Variants in CTNNA2 observed in about 807,000 individuals in gnomAD.
The protein encoded by CTNNA2 is catenin alpha-2.
In CTNNA2, 42 loss-of-function variants were observed where a neutral mutation model predicts 101.0. The observed-to-expected ratio is 0.42, with a 90% confidence interval of 0.32 to 0.54. The LOEUF (loss-of-function observed/expected upper bound fraction) is 0.54, where lower values mean the gene tolerates loss of function less well. CTNNA2 is among the 20% of genes least tolerant of loss of function. CTNNA2 has a pLI of 0.14. For synonymous variants in CTNNA2, 450 were observed against 456.4 expected (o/e 0.99, Z 0.18); for missense variants, 871 against 1,223.1 (o/e 0.71, Z 4.29).
At chr2:80,052,196 C>T (rs1696918980) in intron 7 of CTNNA2, among the ~76,000 whole-genome samples, 2 of 152,180 alleles carry the variant, frequency 1.3e-5, no homozygotes, top group South Asian at 4.1e-4. Context: ...GAGTTGTGGA[C>T]ATTTATCCCA....
intron 7 of CTNNA2, among the ~76,000 whole-genome samples, chr2:80,061,492 T>C (rs1697597222): frequency 6.6e-6 from 1 of 152,178 alleles, no homozygotes; most frequent in Non-Finnish European, 1.5e-5. Context: ...AAGGGCATAA[T>C]ATTACTAAAC....
chr2:80,476,725 A>G (rs1252007589), intron 9 of CTNNA2, among the ~76,000 whole-genome samples: 1 of 152,098 alleles, frequency 6.6e-6, no homozygotes, highest in Admixed American at 6.6e-5. Context: ...CTGGCCTCAG[A>G]CATAAGGAGC....
chr2:80,302,479 G>A lies in CTNNA2; in HGVS notation c.1057-90732G>A, dbSNP rs368600677. On this transcript the variant is annotated intron_variant, in intron 7 of 18. Transcript: ENST00000402739. This position sits in a 1 kb window ranked among gnomAD's most constrained non-coding sequence, Gnocchi z 6.4. ...TGGCTGGGAAACACTTCCAGGACAC[G>A]TAGAGCACCAGGACCACGATGAGGA... 6.3e-5 allele frequency: 101 copies of A among 1,613,882 alleles called. No homozygotes were observed. Among genetic ancestry groups the A allele is most frequent in the African/African-American group, 8.0e-5 (6 of 74,938 alleles).
intron 4 of CTNNA2, among the ~76,000 whole-genome samples, chr2:79,467,628 A>T (rs1670953903): frequency 6.6e-6 from 1 of 152,202 alleles, no homozygotes. Flanking sequence ...AGCCAGAGAG[A>T]AAGGTTGGGT....
rs895592812 is a variant in CTNNA2, at chr2:79,695,017, G to A, written c.102+43359G>A. Among the ~76,000 whole-genome samples, 3 of 141,546 alleles carry A rather than the reference G, an allele frequency of 2.1e-5. No homozygotes were observed. In the South Asian group the frequency reaches 6.5e-4, roughly 31 times the overall value. 92.9% of individuals were successfully genotyped at this position (141,546 alleles called of 152,430 possible). ...AGGTCTCAAGGCCGTATGAAACCAA[G>A]CCTTACATTTTTTTTTTTTTGGGGT... is the stretch of plus-strand genomic sequence containing the variant. On this transcript the variant is annotated intron_variant, in intron 2 of 18. Transcript: ENST00000402739.
At chr2:80,065,931 G>T (rs1697955865) in intron 7 of CTNNA2, among the ~76,000 whole-genome samples, 1 of 152,106 alleles carries the variant, frequency 6.6e-6, no homozygotes, top group East Asian at 1.9e-4. Flanking sequence ...CTTAAAGATT[G>T]ACCAACACTT....
At chr2:79,692,239 C>T (rs909748169) in intron 2 of CTNNA2, among the ~76,000 whole-genome samples, 3 of 152,124 alleles carry the variant, frequency 2.0e-5, no homozygotes, top group African/African-American at 7.2e-5. Context: ...CAAAGGAAGA[C>T]ATTTATGCAG....
chr2:80,287,057 C>T (rs1392430513), intron 7 of CTNNA2, among the ~76,000 whole-genome samples: 1 of 152,024 alleles, frequency 6.6e-6, no homozygotes, highest in African/African-American at 2.4e-5. Flanking sequence ...CTGAACAGTC[C>T]AGAGTTGATT....
intron 13 of CTNNA2, among the ~76,000 whole-genome samples, chr2:80,577,406 A>C (rs1695148285): frequency 6.6e-6 from 1 of 152,136 alleles, no homozygotes; most frequent in African/African-American, 2.4e-5. Flanking sequence ...CAGGTGGAGC[A>C]TGTTTCCGGC....
chr2:79,894,840 C>T (rs911611741), intron 6 of CTNNA2, among the ~76,000 whole-genome samples: 13 of 152,210 alleles, frequency 8.5e-5, no homozygotes, highest in Admixed American at 6.5e-4. Context: ...ATTGTTCACA[C>T]TTTCACATGC....
intron 2 of CTNNA2, among the ~76,000 whole-genome samples, chr2:79,702,975 G>T (rs1364707441): frequency 2.0e-5 from 3 of 152,146 alleles, no homozygotes; most frequent in African/African-American, 4.8e-5. Context: ...GGTATTACTG[G>T]TCAAGAATAT....
chr2:79,342,901 G>A (rs1456313802), intron 3 of CTNNA2, among the ~76,000 whole-genome samples: 1 of 152,296 alleles, frequency 6.6e-6, no homozygotes, highest in Middle Eastern at 3.4e-3. Context: ...TCTTTAAGGG[G>A]CTAGTCCCTT....
intron 4 of CTNNA2, among the ~76,000 whole-genome samples, chr2:79,405,189 C>G (rs954949545): frequency 6.6e-6 from 1 of 152,004 alleles, no homozygotes; most frequent in African/African-American, 2.4e-5. Flanking sequence ...TGCAGAGACT[C>G]CCTCTTTCCT....
At chr2:80,156,910 C>T (rs1178695571) in intron 7 of CTNNA2, among the ~76,000 whole-genome samples, 1 of 152,122 alleles carries the variant, frequency 6.6e-6, no homozygotes, top group Non-Finnish European at 1.5e-5. Flanking sequence ...TAAATCCAAG[C>T]AACATCTGAT....
At chr2:79,264,828 A>C (rs1384435631) in intron 2 of CTNNA2, among the ~76,000 whole-genome samples, 1 of 152,104 alleles carries the variant, frequency 6.6e-6, no homozygotes, top group African/African-American at 2.4e-5. Flanking sequence ...ACCTATTTGA[A>C]GCTACTCTAG....
At chr2:80,527,719 G>C (rs1242136160) in intron 9 of CTNNA2, among the ~76,000 whole-genome samples, 1 of 152,106 alleles carries the variant, frequency 6.6e-6, no homozygotes, top group Non-Finnish European at 1.5e-5. Context: ...CTCTATAAAG[G>C]AGAAAGCAAA....
intron 2 of CTNNA2, among the ~76,000 whole-genome samples, chr2:79,254,729 A>G (rs934229263): frequency 2.6e-5 from 4 of 152,172 alleles, no homozygotes; most frequent in Non-Finnish European, 4.4e-5. Flanking sequence ...TAGCCCCAGA[A>G]AAATAATGCT....
intron 7 of CTNNA2, among the ~76,000 whole-genome samples, chr2:80,159,819 A>C (rs1704204975): frequency 2.0e-5 from 3 of 152,174 alleles, no homozygotes; most frequent in Admixed American, 1.3e-4. Context: ...TCACAGAGCA[A>C]AAGTTTTCAA....
At chr2:80,195,579 T>C (rs2149005407) in intron 7 of CTNNA2, among the ~76,000 whole-genome samples, 1 of 151,688 alleles carries the variant, frequency 6.6e-6, no homozygotes, top group Admixed American at 6.6e-5. Context: ...GATTTAATCA[T>C]CCATCCAAGC....
Sources: allele counts gnomAD v4.1 joint callset (sites outside exome capture counted in the v4.1 genomes callset), GRCh38; gene constraint gnomAD v4.1.1; non-coding constraint Gnocchi (gnomAD v3.1); transcripts MANE v1.5; gene names NCBI Gene and HGNC (gene_info 2026-07-23, HGNC 2026-07-21).